Variants in MYH9 observed in about 807,000 individuals in gnomAD.
The protein encoded by MYH9 is myosin heavy chain 9.
MYH9 carries 29 observed loss-of-function variants against 241.9 expected under a neutral mutation model. The ratio of observed to expected loss-of-function variants is 0.12; its 90% CI spans 0.09 to 0.16. MYH9 has a LOEUF of 0.16. MYH9 is among the 10% of genes least tolerant of loss of function. The pLI, the probability that MYH9 is intolerant of heterozygous loss-of-function variation, is 1.00. For missense variants in MYH9, 1,803 were observed against 2,595.5 expected, an observed-to-expected ratio of 0.69 and a Z score of 6.63; for synonymous variants, 1,047 against 1,062.6, an observed-to-expected ratio of 0.99 and a Z score of 0.29.
In MYH9 at chr22:36,288,828, G is replaced by C; in HGVS notation, c.4669C>G (p.Arg1557Gly). 6.2e-7 allele frequency: 1 copy of C among 1,613,534 alleles called. No individual in the cohort carries two copies. Among genetic ancestry groups the C allele is most frequent in the Non-Finnish European group, 8.5e-7 (1 of 1,179,976 alleles). Residue 1557 changes from arginine to glycine, a missense_variant, in exon 33 of 41, where the codon CGG becomes GGG. Arg to Gly is a moderately radical substitution (Grantham distance 125, BLOSUM62 -2). Coordinates refer to ENST00000216181, the MANE Select transcript of MYH9 (RefSeq NM_002473.6). The surrounding 1 kb of genome is among the most constrained non-coding windows in gnomAD (Gnocchi z 4.8). ...ELQATEDAKL[R>G]LEVNLQAMKA... ...ATGGCCTGCAGGTTGACCTCCAACC[G>C]CAGCTTGGCATCTTCGGTGGCCTGC...
In MYH9 at chr22:36,282,025, C is replaced by T. The variant is rs1021012060; in HGVS notation, c.*643G>A. ...AGACATTTTAGAATCAGGAGGGAGA[C>T]AGCGGACAGTGGCGCTGCCTGGGAC... On this transcript the variant is annotated 3_prime_UTR_variant, in exon 41 of 41. Transcript: ENST00000216181. 1 of 234,308 alleles carries T rather than the reference C, an allele frequency of 4.3e-6. No individual in the cohort carries two copies. The highest frequency in any genetic ancestry group is 8.4e-6 in the Non-Finnish European group (1 of 118,528). The allele number at this position is 234,308 out of a possible 1,614,324, so 14.5% of individuals were successfully genotyped here. A position where few individuals can be genotyped will look rare whatever the true frequency, so the allele number is the denominator to read the frequency against.
At chr22:36,298,726 C>T (rs1280888128) in intron 24 of MYH9, among the ~76,000 whole-genome samples, 193 bp downstream of exon 24, 2 of 152,198 alleles carry the variant, frequency 1.3e-5, no homozygotes, top group African/African-American at 4.8e-5. Flanking sequence ...CTCAGGTTCC[C>T]GCAGGCACCA....
intron 2 of MYH9, among the ~76,000 whole-genome samples, chr22:36,343,237 T>C (rs965126924): frequency 1.3e-5 from 2 of 152,094 alleles, no homozygotes; most frequent in African/African-American, 4.8e-5. Flanking sequence ...CACAATGGTA[T>C]GCATTCAAAA....
intron 1 of MYH9, among the ~76,000 whole-genome samples, chr22:36,359,462 AG>A (rs2017903583): frequency 6.6e-6 from 1 of 152,266 alleles, no homozygotes; most frequent in South Asian, 2.1e-4. Context: ...TAAGGGTTAT[AG>A]CCACCTAATT....
At chr22:36,335,035 T>C (rs1304212239) in intron 3 of MYH9, among the ~76,000 whole-genome samples, 1 of 152,148 alleles carries the variant, frequency 6.6e-6, no homozygotes, top group African/African-American at 2.4e-5. Flanking sequence ...CAGCCCCTTT[T>C]TGGTGCCCTA....
intron 11 of MYH9, among the ~76,000 whole-genome samples, chr22:36,317,086 A>G (rs928853519): frequency 1.4e-5 from 2 of 147,240 alleles, no homozygotes; most frequent in African/African-American, 5.1e-5. Context: ...GTCTACGGCC[A>G]TACCACCCTA....
intron 1 of MYH9, among the ~76,000 whole-genome samples, chr22:36,381,475 C>A (rs987664551): frequency 2.7e-5 from 4 of 149,708 alleles, no homozygotes; most frequent in Non-Finnish European, 5.9e-5. Context: ...CGAGATCGAT[C>A]ATGCCACTCC....
At chr22:36,331,023 T>C (rs1014513314) in intron 3 of MYH9, among the ~76,000 whole-genome samples, 13 of 152,268 alleles carry the variant, frequency 8.5e-5, no homozygotes, top group African/African-American at 3.1e-4. Flanking sequence ...CCCAAATTCC[T>C]GAGCAAGGGA....
intron 1 of MYH9, among the ~76,000 whole-genome samples, chr22:36,354,530 C>T (rs1163308211): frequency 1.3e-5 from 2 of 151,254 alleles, no homozygotes; most frequent in Non-Finnish European, 1.5e-5. Context: ...CTGCAACCTC[C>T]GCTTCCCAGG....
At position 36,326,446 on chromosome 22, in the gene MYH9, C is replaced by T. The variant is rs564876120; in HGVS notation, c.612+122G>A. On this transcript the variant is annotated intron_variant, in intron 5 of 40. Transcript: ENST00000216181. ...CTGCCTCAATGGAAATGGGCCCAGC[C>T]TCTGCTTCATTCCCCAAAGCATCCT... is the stretch of plus-strand genomic sequence containing the variant. The T allele has an allele frequency of 2.6e-5, 25 of 971,830 alleles. No homozygotes were observed. In the African/African-American group the frequency reaches 3.0e-4, roughly 12 times the overall value. The allele number at this position is 971,830 out of a possible 1,614,324, so 60.2% of individuals were successfully genotyped here.
intron 5 of MYH9, chr22:36,324,911 C>A: frequency 1.6e-6 from 1 of 607,078 alleles, no homozygotes; most frequent in Non-Finnish European, 2.9e-6. Flanking sequence ...ACAACAGGAA[C>A]CCCAGATGTA....
At chr22:36,315,270 G>C (rs566402221) in intron 12 of MYH9, among the ~76,000 whole-genome samples, 33 of 152,254 alleles carry the variant, frequency 2.2e-4, no homozygotes, top group African/African-American at 5.8e-4. Flanking sequence ...AGTTTGTTCA[G>C]TTCGCAACTG....
chr22:36,294,061 G>T, intron 28 of MYH9, 31 bp downstream of exon 28: 1 of 1,603,760 alleles, frequency 6.2e-7, no homozygotes. Context: ...AGGGCCCACT[G>T]CCCGCGCCAG....
chr22:36,344,489 C>A (rs2017644205), intron 2 of MYH9, among the ~76,000 whole-genome samples: 1 of 151,962 alleles, frequency 6.6e-6, no homozygotes, highest in South Asian at 2.1e-4. Context: ...GGCGGCCCCG[C>A]CCAGGGGCGC....
Position 36,319,462 on chromosome 22 carries a change from C to T in MYH9, c.1108+78G>A, listed in dbSNP as rs1472223994. The T allele has an allele frequency of 8.0e-6, 11 of 1,373,628 alleles. No homozygotes were observed. In the African/African-American group the frequency reaches 1.0e-4, roughly 13 times the overall value. 85.1% of individuals were successfully genotyped at this position (1,373,628 alleles called of 1,614,324 possible). On this transcript the variant is annotated intron_variant, in intron 10 of 40. Coordinates refer to ENST00000216181, the MANE Select transcript of MYH9 (RefSeq NM_002473.6). ...TAAAAAGAATAGTGTCCGGAATTTCCGCAAGACCTTCCCTCCTGAGCAAAT... is the reference window on the plus strand; with the variant it reads ...TAAAAAGAATAGTGTCCGGAATTTCTGCAAGACCTTCCCTCCTGAGCAAAT...
chr22:36,295,669 C>T lies in MYH9; in HGVS notation c.3321G>A (p.Arg1107=), dbSNP rs1382069960. Residue 1107 remains arginine, a synonymous_variant, in exon 26 of 41, where the codon CGG becomes CGA. Coordinates refer to ENST00000216181, the MANE Select transcript of MYH9 (RefSeq NM_002473.6). The surrounding 1 kb of genome is among the most constrained non-coding windows in gnomAD (Gnocchi z 4.1). ...GTTCAGAGATCTGAGATTCCAGCTC[C>T]CGGATCTTCTTGAGGGCCATGTTCT... is the stretch of plus-strand genomic sequence containing the variant. ...AQKNMALKKI[R]ELESQISELQ... is the part of the protein sequence containing the mutation. 1 of 1,613,774 alleles carries T rather than the reference C, an allele frequency of 6.2e-7. No homozygotes were observed. The highest frequency in any genetic ancestry group is 8.5e-7 in the Non-Finnish European group (1 of 1,180,010).
intron 3 of MYH9, among the ~76,000 whole-genome samples, chr22:36,340,516 C>T (rs976767720): frequency 1.3e-5 from 2 of 151,904 alleles, no homozygotes; most frequent in African/African-American, 4.8e-5. Flanking sequence ...CAAAAATTAG[C>T]CGTGCATGGT....
intron 1 of MYH9, among the ~76,000 whole-genome samples, chr22:36,362,390 G>T (rs1787348704): frequency 6.6e-6 from 1 of 152,176 alleles, no homozygotes; most frequent in Admixed American, 6.5e-5. Context: ...CTTAGGCACA[G>T]ATCTCATGTG....
chr22:36,375,055 T>C (rs763671220), intron 1 of MYH9, among the ~76,000 whole-genome samples: 1 of 152,216 alleles, frequency 6.6e-6, no homozygotes, highest in Non-Finnish European at 1.5e-5. Flanking sequence ...CAAGGGCCTA[T>C]GTTTCTTTTC....
Sources: allele counts gnomAD v4.1 joint callset (sites outside exome capture counted in the v4.1 genomes callset), GRCh38; gene constraint gnomAD v4.1.1; non-coding constraint Gnocchi (gnomAD v3.1); transcripts MANE v1.5; gene names NCBI Gene and HGNC (gene_info 2026-07-23, HGNC 2026-07-21).